The following TNIK variants were observed in gnomAD, a reference collection of about 807,000 sequenced individuals.
The protein encoded by TNIK is TRAF2 and NCK-interacting protein kinase.
In TNIK, 49 loss-of-function variants were observed where a neutral mutation model predicts 191.3. The observed-to-expected ratio is 0.26, with a 90% CI of 0.20 to 0.32. The LOEUF (loss-of-function observed/expected upper bound fraction) is 0.32. Ranked by LOEUF, TNIK falls within the 10% of genes least tolerant of loss-of-function variation. The pLI is 1.00. For synonymous variants in TNIK, 594 were observed against 600.9 expected (o/e 0.99, Z 0.17); for missense variants, 1,155 against 1,702.3 (o/e 0.68, Z 5.66).
intron 2 of TNIK, among the ~76,000 whole-genome samples, chr3:171,294,800 C>T (rs1752079572): frequency 6.6e-6 from 1 of 152,030 alleles, no homozygotes; most frequent in African/African-American, 2.4e-5. Context: ...GTAAATAGTT[C>T]TAATTGCTAT....
chr3:171,354,280 C>T (rs1713679944), intron 2 of TNIK, among the ~76,000 whole-genome samples: 1 of 152,142 alleles, frequency 6.6e-6, no homozygotes, highest in African/African-American at 2.4e-5. Context: ...GGGATTTTCT[C>T]CCCTGTATTT....
rs534554935 is a variant in TNIK at position 171,217,829 on chromosome 3, C to T, written c.181-6588G>A. ...GTTTTTAAGGCTAGGTGAAAGTTACCCAATTGGGAAGAAAAAAAGAGAAAA... is the reference window on the plus strand; with the variant it reads ...GTTTTTAAGGCTAGGTGAAAGTTACTCAATTGGGAAGAAAAAAAGAGAAAA... On this transcript the variant is annotated intron_variant, in intron 3 of 32. Transcript: ENST00000436636. 4.6e-5 allele frequency among the ~76,000 whole-genome samples: 7 copies of T among 151,998 alleles called. No homozygotes were observed. In the South Asian group the frequency reaches 1.0e-3, roughly 23 times the overall value.
intron 17 of TNIK, among the ~76,000 whole-genome samples, chr3:171,124,079 T>C (rs537795318): frequency 6.6e-6 from 1 of 152,190 alleles, no homozygotes; most frequent in African/African-American, 2.4e-5. Flanking sequence ...GGAAGTTGCA[T>C]CAGCTGAGAG....
At chr3:171,341,010 G>A (rs1418566402) in intron 2 of TNIK, among the ~76,000 whole-genome samples, 2 of 152,060 alleles carry the variant, frequency 1.3e-5, no homozygotes, top group Non-Finnish European at 2.9e-5. Flanking sequence ...GTAGCTAGGG[G>A]TTACTGATTT....
At position 171,278,109 on chromosome 3, in the gene TNIK, C is replaced by T. The variant is rs77621530; in HGVS notation, c.124-49888G>A. ...ATATAGCTCACCCGATGGGGACGAACATGACATGCCTCGAGACCTAGTGTC... is the reference window on the plus strand; with the variant it reads ...ATATAGCTCACCCGATGGGGACGAATATGACATGCCTCGAGACCTAGTGTC... On this transcript the variant is annotated intron_variant, in intron 2 of 32. Coordinates refer to ENST00000436636, the MANE Select transcript of TNIK (RefSeq NM_015028.4). 4.3e-3 allele frequency among the ~76,000 whole-genome samples: 649 copies of T among 152,290 alleles called. 2 individuals carry two copies. The highest frequency in any genetic ancestry group is 0.015 in the African/African-American group (626 of 41,556).
intron 12 of TNIK, among the ~76,000 whole-genome samples, chr3:171,150,518 A>T (rs777362497): frequency 1.3e-5 from 2 of 152,156 alleles, no homozygotes. Context: ...CTTTATTTAG[A>T]TATTGTTAGG....
At chr3:171,278,757 G>T (rs1343552782) in intron 2 of TNIK, among the ~76,000 whole-genome samples, 1 of 152,200 alleles carries the variant, frequency 6.6e-6, no homozygotes, top group African/African-American at 2.4e-5. Context: ...GCATTAGCTA[G>T]TTCACAGTAG....
chr3:171,235,027 G>GTTTA (rs948755598), intron 2 of TNIK, among the ~76,000 whole-genome samples: 1 of 151,910 alleles, frequency 6.6e-6, no homozygotes, highest in Non-Finnish European at 1.5e-5. Context: ...TTTTTTATTT[G>GTTTA]TTTATTTATT....
Position 171,079,520 on chromosome 3 carries a change from A to G in TNIK, c.3446T>C (p.Val1149Ala). The G allele has an allele frequency of 6.2e-7, 1 of 1,611,660 alleles. No homozygotes were observed. The highest frequency in any genetic ancestry group is 8.5e-7 in the Non-Finnish European group (1 of 1,179,200). Residue 1149 changes from valine to alanine, a missense_variant and splice_region_variant, in exon 28 of 33, where the codon GTT becomes GCT. Around this residue, in one of 3 missense-constraint regions of TNIK, gnomAD observed 195 missense variants for 415.4 expected, o/e 0.47. Transcript: ENST00000436636. Reference protein sequence around the residue: ...GDLEGCIHYKVVKYERIKFLV... With the variant: ...GDLEGCIHYKAVKYERIKFLV... ...TAATTCCATGTCTTGAGACTTACCAACTTTATAATGTATACAGCCTTCCAA... is the reference window on the plus strand; with the variant it reads ...TAATTCCATGTCTTGAGACTTACCAGCTTTATAATGTATACAGCCTTCCAA...
At chr3:171,094,645 C>T (rs1722489072) in intron 22 of TNIK, among the ~76,000 whole-genome samples, 1 of 152,152 alleles carries the variant, frequency 6.6e-6, no homozygotes, top group African/African-American at 2.4e-5. Flanking sequence ...GACAACCTGA[C>T]CTGCTTTTAC....
chr3:171,279,104 A>G (rs1053749399), intron 2 of TNIK, among the ~76,000 whole-genome samples: 2 of 152,084 alleles, frequency 1.3e-5, no homozygotes, highest in African/African-American at 4.8e-5. Flanking sequence ...TGCAGACATT[A>G]TTGGACAAAA....
chr3:171,203,742 T>C (rs1389029898), intron 4 of TNIK, among the ~76,000 whole-genome samples: 1 of 152,228 alleles, frequency 6.6e-6, no homozygotes, highest in East Asian at 1.9e-4. Flanking sequence ...CCAGACACAT[T>C]GGTTCTCCCG....
intron 27 of TNIK, among the ~76,000 whole-genome samples, 190 bp downstream of exon 27, chr3:171,082,061 G>A (rs1160552952): frequency 6.6e-6 from 1 of 152,162 alleles, no homozygotes; most frequent in Admixed American, 6.5e-5. Context: ...ATGCAGAGGT[G>A]AGAGACTTCT....
At chr3:171,178,485 CTT>C (rs1736237015) in intron 7 of TNIK, among the ~76,000 whole-genome samples, 1 of 152,162 alleles carries the variant, frequency 6.6e-6, no homozygotes, top group Non-Finnish European at 1.5e-5. Flanking sequence ...CTCAGAGTGA[CTT>C]TTATTCTCTG....
intron 2 of TNIK, among the ~76,000 whole-genome samples, chr3:171,248,984 A>G (rs1745923394): frequency 6.6e-6 from 1 of 152,232 alleles, no homozygotes; most frequent in African/African-American, 2.4e-5. Context: ...GACGTTATAA[A>G]TGAAAGAAAG....
chr3:171,358,321 G>A (rs1028753496), intron 2 of TNIK, among the ~76,000 whole-genome samples: 2 of 152,174 alleles, frequency 1.3e-5, no homozygotes, highest in African/African-American at 4.8e-5. Context: ...CACATGGCCG[G>A]GGAAGCCTCA....
At position 171,329,467 on chromosome 3, in the gene TNIK, G is replaced by T. The variant is rs187535627; in HGVS notation, c.123+40153C>A. Among the ~76,000 whole-genome samples the T allele has an allele frequency of 2.0e-4, 31 of 152,214 alleles. 1 individual carries two copies. Among genetic ancestry groups the T allele is most frequent in the Admixed American group, 1.6e-3 (25 of 15,280 alleles). On this transcript the variant is annotated intron_variant, in intron 2 of 32. Coordinates refer to ENST00000436636, the MANE Select transcript of TNIK (RefSeq NM_015028.4). ...CTTTTCTAATGAGCTGTGTGTCCTT[G>T]GGTCATTTACCTTAAACTCTGTGAG...
intron 4 of TNIK, among the ~76,000 whole-genome samples, chr3:171,202,704 A>T (rs1180081807): frequency 6.6e-6 from 1 of 152,196 alleles, no homozygotes; most frequent in African/African-American, 2.4e-5. Context: ...CTCAACACAC[A>T]CCAGTTGCAA....
intron 2 of TNIK, among the ~76,000 whole-genome samples, chr3:171,242,622 C>G (rs554734725): frequency 6.6e-6 from 1 of 151,854 alleles, no homozygotes; most frequent in African/African-American, 2.4e-5. Context: ...ATAAAATTGG[C>G]GCTCATATAA....
Sources: gnomAD v4.1 joint callset for allele counts (sites outside exome capture counted in the v4.1 genomes callset) on GRCh38, gnomAD v4.1.1 for gene constraint, gnomAD v4.1.1 regional missense constraint, MANE v1.5 for transcripts, NCBI Gene and HGNC (gene_info 2026-07-23, HGNC 2026-07-21) for gene names.